The following TM6SF2 variants were observed in gnomAD, a reference collection of about 807,000 sequenced individuals.
The protein encoded by TM6SF2 is transmembrane 6 superfamily member 2.
In TM6SF2, 29 loss-of-function variants were observed where a neutral mutation model predicts 41.0. That is an observed-to-expected ratio of 0.71 (90% CI 0.53 to 0.96). TM6SF2 has a LOEUF of 0.96. Among genes scored for constraint, TM6SF2 ranks in the 50% least tolerant of loss-of-function variants. TM6SF2 has a pLI of 0.00. For missense variants in TM6SF2, 475 were observed against 499.0 expected (o/e 0.95, Z 0.46); for synonymous variants, 200 against 209.1 (o/e 0.96, Z 0.37).
chr19:19,265,005 T>A, intron 9 of TM6SF2, 132 bp from the exon 10 acceptor site: 1 of 489,122 alleles, frequency 2.0e-6, no homozygotes, highest in Non-Finnish European at 3.5e-6. Flanking sequence ...GCTTTGCTCA[T>A]CTATCTGTTT....
rs547292673 is a variant in TM6SF2, at chr19:19,264,595, C to A, written c.*69G>T. ...TCCCTCCTGTCTCTAAAACACCCAA[C>A]CCCCGCTTCCCCAGGTAGGGCTGAC... On this transcript the variant is annotated 3_prime_UTR_variant, in exon 10 of 10. Transcript: ENST00000389363. 1.1e-4 allele frequency: 139 copies of A among 1,315,842 alleles called. No homozygotes were observed. Among genetic ancestry groups the A allele is most frequent in the Non-Finnish European group, 1.3e-4 (134 of 1,008,834 alleles). 81.5% of individuals were successfully genotyped at this position (1,315,842 alleles called of 1,614,324 possible).
intron 9 of TM6SF2, among the ~76,000 whole-genome samples, chr19:19,265,256 C>T (rs2060998901): frequency 6.6e-6 from 1 of 151,932 alleles, no homozygotes; most frequent in African/African-American, 2.4e-5. Flanking sequence ...TCATGTTGCC[C>T]AGGCTGGTCT....
chr19:19,268,111 C>G, intron 6 of TM6SF2, 24 bp from the exon 7 acceptor site: 1 of 1,559,272 alleles, frequency 6.4e-7, no homozygotes. Flanking sequence ...GAGAAACAGA[C>G]AGCATGAGAG....
intron 8 of TM6SF2, among the ~76,000 whole-genome samples, chr19:19,266,907 C>T (rs2074298): frequency 2.0e-5 from 3 of 152,074 alleles, no homozygotes; most frequent in Non-Finnish European, 2.9e-5. Context: ...AAGTGATTCA[C>T]GCTGGGCCAA....
At chr19:19,273,061 T>TGCCCCCCCCCCCCCCCCCCCCCCCCCCC in intron 1 of TM6SF2, 60 bp downstream of exon 1, 1 of 305,468 alleles carries the variant, frequency 3.3e-6, no homozygotes, top group Admixed American at 5.9e-5. Context: ...CCTCCAGTCC[T>TGCCCCCCCCCCCCCCCCCCCCCCCCCCC]CCCCGCCCCC....
At chr19:19,264,973 G>T in intron 9 of TM6SF2, 100 bp from the exon 10 acceptor site, 1 of 741,274 alleles carries the variant, frequency 1.3e-6, no homozygotes, top group South Asian at 2.4e-5. Flanking sequence ...GAACCCAGGG[G>T]ATGCCCATCC....
intron 8 of TM6SF2, chr19:19,266,811 C>T: frequency 1.8e-6 from 1 of 549,156 alleles, no homozygotes; most frequent in Admixed American, 3.3e-5. Flanking sequence ...AACCTACTAA[C>T]CTTTCTCTGA....
chr19:19,266,639 C>A (rs2061004119), intron 8 of TM6SF2, 30 bp from the exon 9 acceptor site: 2 of 1,593,978 alleles, frequency 1.3e-6, no homozygotes, highest in Admixed American at 1.8e-5. Context: ...GGGGCACCAG[C>A]CTGTGAGATG....
chr19:19,270,753 TG>T (rs1378355558), intron 2 of TM6SF2, among the ~76,000 whole-genome samples: 1 of 152,126 alleles, frequency 6.6e-6, no homozygotes, highest in Admixed American at 6.5e-5. Flanking sequence ...GATCTCAAAG[TG>T]ATGAGGCAGT....
At chr19:19,267,763 A>C (rs1282747738) in intron 7 of TM6SF2, 50 bp from the exon 8 acceptor site, 3 of 1,555,958 alleles carry the variant, frequency 1.9e-6, no homozygotes, top group Non-Finnish European at 1.8e-6. Flanking sequence ...TCCCACAGGA[A>C]GCCTCCCCCA....
chr19:19,269,729 A>G lies in TM6SF2; in HGVS notation c.442T>C (p.Phe148Leu), dbSNP rs774977414. ...RNFGLYWLGS[F>L]AMSILVFLTG... is the part of the protein sequence containing the mutation. ...AGGAACACCAGGATGCTCATGGCGA[A>G]GGAACCCAGCCAGTAGAGTCCAAAA... The change falls in exon 5 of 10, where the codon TTC becomes CTC. Residue 148 changes from phenylalanine (F) to leucine (L), a missense_variant. By Grantham distance (22) the Phe-to-Leu change is conservative. This residue lies in a region of TM6SF2 where 238 missense variants were observed against 228.6 expected (regional missense o/e 1.04). Transcript: ENST00000389363. 1 of 1,614,176 alleles carries G rather than the reference A, an allele frequency of 6.2e-7. No individual in the cohort carries two copies. Among genetic ancestry groups the G allele is most frequent in the South Asian group, 1.1e-5 (1 of 91,086 alleles).
intron 8 of TM6SF2, 96 bp from the exon 9 acceptor site, chr19:19,266,705 G>A (rs1412018354): frequency 1.4e-6 from 2 of 1,453,654 alleles, no homozygotes; most frequent in African/African-American, 2.8e-5. Context: ...CCTGAGGAAG[G>A]ATCTGGATGG....
Position 19,270,398 on chromosome 19 carries a change from C to T in TM6SF2, c.244G>A (p.Ala82Thr), listed in dbSNP as rs758178350. 1.2e-6 allele frequency: 2 copies of T among 1,613,594 alleles called. No homozygotes were observed. The highest frequency in any genetic ancestry group is 1.7e-5 in the Admixed American group (1 of 60,002). ...AFTSVVDLIIALQEDSYVVGF... is the reference protein window; with the variant it reads ...AFTSVVDLIITLQEDSYVVGF... ...ACCACATAGCTGTCTTCCTGAAGAG[C>T]GATGATGAGGTCCACAACCGAGGTG... Residue 82 changes from alanine to threonine, a missense_variant, in exon 3 of 10, where the codon GCT (alanine) becomes ACT (threonine). Ala to Thr is a moderately conservative substitution (Grantham distance 58). Coordinates refer to ENST00000389363, the MANE Select transcript of TM6SF2 (RefSeq NM_001001524.3).
At chr19:19,267,794 T>C (rs2061008601) in intron 7 of TM6SF2, 81 bp from the exon 8 acceptor site, 3 of 1,274,990 alleles carry the variant, frequency 2.4e-6, no homozygotes, top group African/African-American at 1.5e-5. Context: ...CCCACACCCC[T>C]TGCTCTGGCC....
At position 19,268,717 on chromosome 19, in the gene TM6SF2, G is replaced by A. The variant is rs752650660; in HGVS notation, c.522C>T (p.Leu174=). The A allele has an allele frequency of 6.2e-7, 1 of 1,603,718 alleles. No homozygotes were observed. The highest frequency in any genetic ancestry group is 8.5e-7 in the Non-Finnish European group (1 of 1,176,574). Residue 174 remains leucine, a synonymous_variant, in exon 6 of 10, where the codon CTC becomes CTT. Coordinates refer to ENST00000389363, the MANE Select transcript of TM6SF2 (RefSeq NM_001001524.3). ...ATGGCACCAGCAGGTAGGGGATGGT[G>A]AGGAAGAAGGCAGGCCTGATCTCGG... ...YSSEIRPAFF[L]TIPYLLVPCW...
At chr19:19,266,416 G>T in intron 9 of TM6SF2, 74 bp downstream of exon 9, 1 of 1,581,600 alleles carries the variant, frequency 6.3e-7, no homozygotes, top group Non-Finnish European at 8.6e-7. Context: ...GCCCAGGGAG[G>T]ACACCAAAGG....
chr19:19,265,406 C>CTATTTATT (rs78009375), intron 9 of TM6SF2, among the ~76,000 whole-genome samples: 1 of 106,104 alleles, frequency 9.4e-6, no homozygotes, highest in Non-Finnish European at 1.9e-5. Flanking sequence ...ATCTATCTAT[C>CTATTTATT]CATCCATCCA....
In TM6SF2 at chr19:19,268,208, CTTTTTTT is replaced by C. The variant is rs536426725; in HGVS notation, c.610-128_610-122del. The C allele has an allele frequency of 7.1e-6, 4 of 562,342 alleles. No homozygotes were observed. The East Asian group carries it at 9.8e-5, about 14-fold the overall frequency. The allele number at this position is 562,342 out of a possible 1,614,324, so 34.8% of individuals were successfully genotyped here. ...TCTTTTTTTCTTTTTTTTCTTTTTTCTTTTTTTTTTTTTTTGAGACAGGGTCTCATTC... is the reference window on the plus strand; with the variant it reads ...TCTTTTTTTCTTTTTTTTCTTTTTTCTTTTTTTTGAGACAGGGTCTCATTC... On this transcript the variant is annotated intron_variant, in intron 6 of 9. Coordinates refer to ENST00000389363, the MANE Select transcript of TM6SF2 (RefSeq NM_001001524.3).
At position 19,264,874 on chromosome 19, in the gene TM6SF2, C is replaced by T. The variant is rs543933980; in HGVS notation, c.925-1G>A. ...AAGCCCCCATGTGCGAGAACTGTGC[C>T]TGGTAGCCAGACAGGGAAGATGGAT... On this transcript the variant is annotated splice_acceptor_variant, in intron 9 of 9. Transcript: ENST00000389363. LOFTEE classifies it high-confidence loss of function. 4 of 1,545,788 alleles carry T rather than the reference C, an allele frequency of 2.6e-6. No individual in the cohort carries two copies. The South Asian group carries it at 3.6e-5, about 14-fold the overall frequency.
Sources: allele counts gnomAD v4.1 joint callset (sites outside exome capture counted in the v4.1 genomes callset), GRCh38; gene constraint gnomAD v4.1.1; regional missense constraint gnomAD v4.1.1; transcripts MANE v1.5; gene names NCBI Gene and HGNC (gene_info 2026-07-23, HGNC 2026-07-21).